POLN: variants seen among roughly 807,000 people sequenced by gnomAD.
POLN encodes the protein DNA polymerase nu, also known as DNA polymerase N.
POLN carries 108 observed loss-of-function variants against 113.5 expected under a neutral mutation model. That is an observed-to-expected ratio of 0.95 (90% CI 0.81 to 1.12). The LOEUF (loss-of-function observed/expected upper bound fraction) is 1.12, where lower values mean the gene tolerates loss of function less well. Ranked by LOEUF, POLN falls within the 50% of genes most tolerant of loss-of-function variation. The pLI, the probability that POLN is intolerant of heterozygous loss-of-function variation, is 0.00. For missense variants in POLN, 1,097 were observed against 1,077.1 expected (o/e 1.02, Z -0.26); for synonymous variants, 386 against 391.5 (o/e 0.99, Z 0.17).
chr4:2,168,882 T>G (rs145081201), intron 13 of POLN, among the ~76,000 whole-genome samples: 57 of 152,326 alleles, frequency 3.7e-4, no homozygotes, highest in African/African-American at 1.1e-3. Context: ...CTGAAGTCTT[T>G]GATCTGCACA....
At chr4:2,198,756 A>G (rs746910834) in intron 5 of POLN, 39 bp from the exon 6 acceptor site, 14 of 1,525,996 alleles carry the variant, frequency 9.2e-6, no homozygotes, top group Non-Finnish European at 1.2e-5. Flanking sequence ...CCCAGACAAC[A>G]TATCTGTTGT....
chr4:2,236,335 C>T lies in POLN; in HGVS notation c.-13+5185G>A, dbSNP rs1238252063. On this transcript the variant is annotated intron_variant, in intron 2 of 25. Coordinates refer to ENST00000511885, the MANE Select transcript of POLN (RefSeq NM_181808.4). ...AAGAAAGAATGTTCTTGAGCAGATA[C>T]TGCCAACTGATCTTGTACTAAAGAA... The T allele has an allele frequency of 3.1e-6, 5 of 1,613,100 alleles. No individual in the cohort carries two copies. In the African/African-American group the frequency reaches 5.3e-5, roughly 17 times the overall value.
chr4:2,072,031 G>A lies in POLN; in HGVS notation c.*83C>T. 6.8e-7 allele frequency: 1 copy of A among 1,481,338 alleles called. No individual in the cohort carries two copies. Among genetic ancestry groups the A allele is most frequent in the Non-Finnish European group, 9.4e-7 (1 of 1,060,378 alleles). The allele number at this position is 1,481,338 out of a possible 1,614,324, so 91.8% of individuals were successfully genotyped here. A position where few individuals can be genotyped will look rare whatever the true frequency, so the allele number is the denominator to read the frequency against. On this transcript the variant is annotated 3_prime_UTR_variant, in exon 26 of 26. Transcript: ENST00000511885. ...AGCCCCAAAGGGTTAATGCGTCCTG[G>A]GGCGTACAGAGCTGGTGACCTTGGG...
chr4:2,178,614 GTTTTT>G (rs869253023), intron 8 of POLN, among the ~76,000 whole-genome samples: 4 of 142,100 alleles, frequency 2.8e-5, no homozygotes, highest in African/African-American at 1.0e-4. Flanking sequence ...GCCCAAGACA[GTTTTT>G]TTTTTTTTTT....
At chr4:2,102,821 C>A (rs1483370783) in intron 19 of POLN, among the ~76,000 whole-genome samples, 1 of 152,158 alleles carries the variant, frequency 6.6e-6, no homozygotes, top group African/African-American at 2.4e-5. Context: ...CTATTCACAG[C>A]CAAAGAAATC....
intron 6 of POLN, 117 bp downstream of exon 6, chr4:2,198,407 G>A: frequency 2.6e-6 from 2 of 783,040 alleles, no homozygotes; most frequent in South Asian, 3.2e-5. Flanking sequence ...TTATTTTCAT[G>A]TGCCCATACA....
intron 20 of POLN, among the ~76,000 whole-genome samples, chr4:2,092,036 C>T (rs1303552396): frequency 6.6e-6 from 1 of 152,196 alleles, no homozygotes; most frequent in African/African-American, 2.4e-5. Context: ...GGTGTTGCTG[C>T]TCTGGGCCAG....
At chr4:2,232,237 A>G in intron 2 of POLN, 1 of 692,678 alleles carries the variant, frequency 1.4e-6, no homozygotes, top group Non-Finnish European at 2.3e-6. Flanking sequence ...TATAATTTAC[A>G]TGGAAAGACT....
rs111276798 is a variant in POLN at position 2,181,957 on chromosome 4, G to A, written c.1022-2492C>T. 8.4e-3 allele frequency among the ~76,000 whole-genome samples: 1,261 copies of A among 149,306 alleles called. 15 individuals carry two copies. Among genetic ancestry groups the A allele is most frequent in the African/African-American group, 0.028 (1,118 of 39,982 alleles). On this transcript the variant is annotated intron_variant, in intron 7 of 25. Coordinates refer to ENST00000511885, the MANE Select transcript of POLN (RefSeq NM_181808.4). Reference sequence around the variant, plus strand: ...GGAGCTTTCAGTGAGCTGAGATCACGCCACTGCACTCCAGCCTGGGCAACA... The same window carrying A: ...GGAGCTTTCAGTGAGCTGAGATCACACCACTGCACTCCAGCCTGGGCAACA...
At chr4:2,088,812 C>T (rs1198877874) in intron 20 of POLN, 2 of 1,417,528 alleles carry the variant, frequency 1.4e-6, no homozygotes, top group Non-Finnish European at 1.9e-6. Context: ...GGACTTATTT[C>T]TTTGTCCTTT....
intron 19 of POLN, among the ~76,000 whole-genome samples, chr4:2,101,451 A>C (rs1730921789): frequency 1.3e-5 from 2 of 152,224 alleles, no homozygotes; most frequent in African/African-American, 4.8e-5. Flanking sequence ...CATGGCCCGG[A>C]CGGGCTGGGA....
chr4:2,199,232 T>C (rs1263251151), intron 5 of POLN, among the ~76,000 whole-genome samples: 2 of 152,090 alleles, frequency 1.3e-5, no homozygotes, highest in African/African-American at 2.4e-5. Context: ...ACAAAATACA[T>C]ACAGGATATG....
chr4:2,156,934 C>T (rs1732449541), intron 15 of POLN, 81 bp from the exon 16 acceptor site: 1 of 1,137,686 alleles, frequency 8.8e-7, no homozygotes, highest in South Asian at 1.3e-5. Flanking sequence ...CCACTCACAA[C>T]ATGCAACACT....
At chr4:2,101,072 G>A (rs1730910885) in intron 19 of POLN, among the ~76,000 whole-genome samples, 2 of 151,948 alleles carry the variant, frequency 1.3e-5, no homozygotes, top group Non-Finnish European at 2.9e-5. Flanking sequence ...TCACCATGGT[G>A]GAAAAAATCA....
chr4:2,186,106 T>C (rs28754973), intron 7 of POLN, among the ~76,000 whole-genome samples: 37,504 of 152,120 alleles, frequency 0.25, 7,141 homozygotes, highest in African/African-American at 0.51. Context: ...AGACTTTATG[T>C]CCCTTCCCCA....
At chr4:2,193,078 A>G in intron 7 of POLN, 126 bp downstream of exon 7, 1 of 673,258 alleles carries the variant, frequency 1.5e-6, no homozygotes, top group African/African-American at 1.9e-5. Flanking sequence ...ATCAGGAGGC[A>G]TATCAGTCTG....
Position 2,208,368 on chromosome 4 carries a change from T to C in POLN, c.333A>G (p.Ser111=). Residue 111 remains serine, a synonymous_variant, in exon 5 of 26, where the codon TCA becomes TCG. Transcript: ENST00000511885. ...SADQKQKSIS[S]LTLSSCLIPQ... ...GAATTAAACAACTTGAAAGAGTCAA[T>C]GAGCTGATGCTCTTCTGTTTTTGGT... 1 of 1,613,716 alleles carries C rather than the reference T, an allele frequency of 6.2e-7. No homozygotes were observed. The highest frequency in any genetic ancestry group is 2.2e-5 in the East Asian group (1 of 44,874).
At chr4:2,100,732 G>A (rs1241901871) in intron 19 of POLN, among the ~76,000 whole-genome samples, 2 of 152,188 alleles carry the variant, frequency 1.3e-5, no homozygotes, top group African/African-American at 4.8e-5. Flanking sequence ...ACTGATGCAG[G>A]AGTAAAAATA....
At chr4:2,198,390 A>G (rs1330642969) in intron 6 of POLN, 134 bp downstream of exon 6, 14 of 665,288 alleles carry the variant, frequency 2.1e-5, no homozygotes, top group Non-Finnish European at 3.0e-5. Flanking sequence ...TATCACTTGG[A>G]TCCATTTTAT....
Sources: gnomAD v4.1 joint callset for allele counts (sites outside exome capture counted in the v4.1 genomes callset) on GRCh38, gnomAD v4.1.1 for gene constraint, MANE v1.5 for transcripts, NCBI Gene and HGNC (gene_info 2026-07-23, HGNC 2026-07-21) for gene names.